Variants in KCTD5 observed in about 807,000 individuals in gnomAD.
KCTD5 encodes BTB/POZ domain-containing protein KCTD5.
KCTD5 carries 12 observed loss-of-function variants against 27.9 expected under a neutral mutation model. That is an observed-to-expected ratio of 0.43 (90% CI 0.28 to 0.70). The LOEUF (loss-of-function observed/expected upper bound fraction) is 0.70, where lower values mean the gene tolerates loss of function less well. Among genes scored for constraint, KCTD5 ranks in the 30% least tolerant of loss-of-function variants. KCTD5 has a pLI of 0.19. For missense variants in KCTD5, 226 were observed against 274.8 expected, an observed-to-expected ratio of 0.82 and a Z score of 1.26; for synonymous variants, 147 against 121.4, an observed-to-expected ratio of 1.21 and a Z score of -1.39.
At position 2,707,888 on chromosome 16, in the gene KCTD5, A is replaced by G. The variant is rs2067644362; in HGVS notation, c.*561A>G. 1 of 168,558 alleles carries G rather than the reference A, an allele frequency of 5.9e-6. No homozygotes were observed. The highest frequency in any genetic ancestry group is 1.9e-4 in the South Asian group (1 of 5,352). 10.4% of individuals were successfully genotyped at this position (168,558 alleles called of 1,614,324 possible). On this transcript the variant is annotated 3_prime_UTR_variant, in exon 6 of 6. Coordinates refer to ENST00000301738, the MANE Select transcript of KCTD5 (RefSeq NM_018992.4). ...GTCACTGCTTCCCGGCGCCATTCCG[A>G]GGCCGGGCCTTCTTCTGACACGGGC...
intron 4 of KCTD5, among the ~76,000 whole-genome samples, chr16:2,701,378 T>C (rs1161121415): frequency 6.6e-6 from 1 of 151,968 alleles, no homozygotes; most frequent in Non-Finnish European, 1.5e-5. Context: ...TGCTGGGAGG[T>C]GGCCAGACCG....
At chr16:2,698,179 G>A (rs895061146) in intron 3 of KCTD5, among the ~76,000 whole-genome samples, 182 bp downstream of exon 3, 3 of 152,200 alleles carry the variant, frequency 2.0e-5, no homozygotes, top group African/African-American at 7.2e-5. Context: ...CTCTCCCCAG[G>A]GTCCCTTGAA....
At chr16:2,707,074 T>C (rs898639164) in intron 5 of KCTD5, among the ~76,000 whole-genome samples, 4 of 151,966 alleles carry the variant, frequency 2.6e-5, no homozygotes, top group South Asian at 2.1e-4. Context: ...GGGGCTGCCA[T>C]GCACAGTGAG....
intron 1 of KCTD5, among the ~76,000 whole-genome samples, chr16:2,692,241 T>C (rs1399917898): frequency 6.6e-6 from 1 of 152,182 alleles, no homozygotes; most frequent in Non-Finnish European, 1.5e-5. Flanking sequence ...GAAACGTCTC[T>C]GGCCGGCAGC....
chr16:2,698,375 G>A (rs1209076548), intron 3 of KCTD5, among the ~76,000 whole-genome samples: 1 of 152,254 alleles, frequency 6.6e-6, no homozygotes, highest in Non-Finnish European at 1.5e-5. Context: ...ATGGCTGGAG[G>A]GAGACAGCAG....
chr16:2,705,240 C>G (rs1171365429), intron 5 of KCTD5, among the ~76,000 whole-genome samples: 1 of 152,166 alleles, frequency 6.6e-6, no homozygotes, highest in Non-Finnish European at 1.5e-5. Flanking sequence ...CTGACCCTTG[C>G]CACAGACCCT....
intron 1 of KCTD5, among the ~76,000 whole-genome samples, chr16:2,693,047 C>T (rs549395572): frequency 1.4e-4 from 21 of 152,366 alleles, no homozygotes; most frequent in Non-Finnish European, 2.4e-4. Flanking sequence ...GCAGATCCTC[C>T]TCCCGAGGCC....
At chr16:2,706,951 A>AG (rs776899477) in intron 5 of KCTD5, among the ~76,000 whole-genome samples, 10 of 129,352 alleles carry the variant, frequency 7.7e-5, no homozygotes, top group Non-Finnish European at 1.2e-4. Context: ...TTAATTGGGG[A>AG]GGGGGGACTG....
At chr16:2,701,843 C>T (rs1046664594) in intron 4 of KCTD5, among the ~76,000 whole-genome samples, 1 of 152,222 alleles carries the variant, frequency 6.6e-6, no homozygotes, top group Non-Finnish European at 1.5e-5. Flanking sequence ...TTGGCCTGGC[C>T]TGCCTGGTGA....
intron 1 of KCTD5, among the ~76,000 whole-genome samples, chr16:2,693,130 C>T (rs1444526482): frequency 1.3e-5 from 2 of 152,252 alleles, no homozygotes; most frequent in Admixed American, 6.5e-5. Flanking sequence ...GCTGGTGCCA[C>T]TCTCACTACC....
intron 4 of KCTD5, among the ~76,000 whole-genome samples, chr16:2,700,548 G>A (rs1486602436): frequency 6.6e-6 from 1 of 152,226 alleles, no homozygotes; most frequent in Non-Finnish European, 1.5e-5. Flanking sequence ...CTGACCGGGG[G>A]GCCCTTGCCC....
chr16:2,684,613 A>T (rs1441110715), intron 1 of KCTD5: 1 of 143,636 alleles, frequency 7.0e-6, no homozygotes, highest in Non-Finnish European at 1.5e-5. Flanking sequence ...AAAATACAAA[A>T]AATGAGCCAG....
chr16:2,683,004 G>A, intron 1 of KCTD5: 1 of 555,552 alleles, frequency 1.8e-6, no homozygotes, highest in Non-Finnish European at 3.0e-6. Context: ...TGGCGCCCTG[G>A]CGTCCACTGC....
rs2067603290 is a variant in KCTD5 at position 2,699,812 on chromosome 16, T to C, written c.454-9T>C. 6.2e-7 allele frequency: 1 copy of C among 1,612,922 alleles called. No homozygotes were observed. Among genetic ancestry groups the C allele is most frequent in the East Asian group, 2.2e-5 (1 of 44,870 alleles). ...GGCCCGCCCTTACCTGTGCCCATTG[T>C]CCTTGCAGGTGCCTGTGAAGCATGT... On this transcript the variant is annotated splice_polypyrimidine_tract_variant and intron_variant, in intron 3 of 5. Transcript: ENST00000301738.
chr16:2,707,135 T>A (rs1333326403), intron 5 of KCTD5, among the ~76,000 whole-genome samples, 163 bp from the exon 6 acceptor site: 1 of 152,092 alleles, frequency 6.6e-6, no homozygotes, highest in Non-Finnish European at 1.5e-5. Context: ...GTGAAGGTCC[T>A]GGGCCTGCCA....
intron 2 of KCTD5, among the ~76,000 whole-genome samples, chr16:2,696,554 G>C (rs555720783): frequency 6.6e-6 from 1 of 152,268 alleles, no homozygotes; most frequent in Non-Finnish European, 1.5e-5. Context: ...GCCCACACGC[G>C]TTGGGCCCAG....
At chr16:2,704,564 A>T (rs2067626639) in intron 5 of KCTD5, among the ~76,000 whole-genome samples, 1 of 152,230 alleles carries the variant, frequency 6.6e-6, no homozygotes, top group African/African-American at 2.4e-5. Flanking sequence ...GCCGCCATTT[A>T]TTCCCAAGGA....
intron 3 of KCTD5, 126 bp from the exon 4 acceptor site, chr16:2,699,695 G>A (rs1249296494): frequency 2.7e-6 from 2 of 752,390 alleles, no homozygotes; most frequent in Non-Finnish European, 4.6e-6. Flanking sequence ...GGATTGCTTT[G>A]GGCCTCGTGC....
intron 1 of KCTD5, among the ~76,000 whole-genome samples, chr16:2,690,485 G>A (rs537853094): frequency 2.0e-5 from 3 of 152,356 alleles, no homozygotes; most frequent in Admixed American, 6.5e-5. Flanking sequence ...GGAAGATGAG[G>A]GAAATGACTT....
Sources: gnomAD v4.1 joint callset for allele counts (sites outside exome capture counted in the v4.1 genomes callset) on GRCh38, gnomAD v4.1.1 for gene constraint, MANE v1.5 for transcripts, NCBI Gene and HGNC (gene_info 2026-07-23, HGNC 2026-07-21) for gene names.